The following RUNX1T1 variants were observed in gnomAD, a reference collection of about 807,000 sequenced individuals.
The protein encoded by RUNX1T1 is protein CBFA2T1.
In RUNX1T1, 4 loss-of-function variants were observed where a neutral mutation model predicts 62.8. That is an observed-to-expected ratio of 0.06 (90% CI 0.03 to 0.15). The LOEUF (loss-of-function observed/expected upper bound fraction) is 0.15, where lower values mean the gene tolerates loss of function less well. Among genes scored for constraint, RUNX1T1 ranks in the 10% least tolerant of loss-of-function variants. The pLI is 1.00. For missense variants in RUNX1T1, 508 were observed against 754.3 expected (o/e 0.67, Z 3.82); for synonymous variants, 291 against 286.0 (o/e 1.02, Z -0.18).
intron 1 of RUNX1T1, among the ~76,000 whole-genome samples, chr8:92,040,546 A>T (rs1434058394): frequency 1.3e-5 from 2 of 152,212 alleles, no homozygotes; most frequent in African/African-American, 4.8e-5. Flanking sequence ...AAGTTTTAAA[A>T]AAACAAAAAA....
At chr8:92,064,426 C>T (rs547944752), upstream of RUNX1T1, among the ~76,000 whole-genome samples, 2 of 152,242 alleles carry the variant, frequency 1.3e-5, no homozygotes, top group East Asian at 3.9e-4. Context: ...ATGAGGTTCT[C>T]TGTAATGGAT....
intron 10 of RUNX1T1, among the ~76,000 whole-genome samples, chr8:91,961,175 CAGTT>C (rs1426041197): frequency 5.3e-5 from 8 of 152,182 alleles, no homozygotes; most frequent in African/African-American, 1.7e-4. Context: ...ACAGGATCCT[CAGTT>C]TGTTTTTTCT....
In RUNX1T1 at chr8:91,960,430, CT is replaced by C; in HGVS notation, c.1545del (p.Asp516ThrfsTer57). 1 of 1,614,198 alleles carries C rather than the reference CT, an allele frequency of 6.2e-7. No homozygotes were observed. Among genetic ancestry groups the C allele is most frequent in the East Asian group, 2.2e-5 (1 of 44,860 alleles). On this transcript the variant is annotated frameshift_variant, in exon 11 of 11. Coordinates refer to ENST00000396218, the Ensembl canonical transcript of RUNX1T1. LOFTEE classifies it high-confidence loss of function. The stretch of plus-strand genomic sequence containing the variant: ...CAGATGTGATGGTGCTTCTCCCAGT[CT>C]TTGTGCTGGCAAAATGAGCCACAGT...
exon 5 of RUNX1T1, chr8:92,005,170 G>C (rs773007003): frequency 6.2e-7 from 1 of 1,613,904 alleles, no homozygotes; most frequent in Non-Finnish European, 8.5e-7. Context: ...CAGCTCTGAG[G>C]AGTCAACAGG....
At chr8:91,955,937 G>A (rs1283117250), downstream of RUNX1T1, 2 of 229,660 alleles carry the variant, frequency 8.7e-6, 1 homozygote, top group South Asian at 3.6e-4. Context: ...GTTGGAGATA[G>A]CCACAGTGGA....
At chr8:91,996,855 C>T (rs1818794036) in intron 5 of RUNX1T1, among the ~76,000 whole-genome samples, 1 of 151,726 alleles carries the variant, frequency 6.6e-6, no homozygotes, top group South Asian at 2.1e-4. Flanking sequence ...GACGCAGTGG[C>T]TCATGCCTGT....
chr8:92,097,032 G>T (rs1458108105), intron 1 of RUNX1T1, among the ~76,000 whole-genome samples: 3 of 151,926 alleles, frequency 2.0e-5, no homozygotes, highest in Non-Finnish European at 4.4e-5. Flanking sequence ...AGAATTAAAA[G>T]AAATTTGATA....
intron 8 of RUNX1T1, among the ~76,000 whole-genome samples, chr8:91,977,676 A>C (rs750787606): frequency 6.6e-6 from 1 of 152,278 alleles, no homozygotes; most frequent in Non-Finnish European, 1.5e-5. Flanking sequence ...ATTGGATAAG[A>C]ATAAGAACAG....
intron 1 of RUNX1T1, among the ~76,000 whole-genome samples, chr8:92,094,652 C>T (rs1438857719): frequency 2.0e-5 from 3 of 152,150 alleles, no homozygotes; most frequent in Admixed American, 2.0e-4. Flanking sequence ...ATGATCAATC[C>T]CAAAGCCTTT....
intron 10 of RUNX1T1, among the ~76,000 whole-genome samples, chr8:91,967,951 G>A (rs941204139): frequency 2.4e-4 from 36 of 152,106 alleles, no homozygotes; most frequent in African/African-American, 8.4e-4. Flanking sequence ...TGGGAAATAT[G>A]AGCAGATAAT....
intron 5 of RUNX1T1, among the ~76,000 whole-genome samples, chr8:92,003,839 A>G (rs866048506): frequency 2.0e-5 from 3 of 152,230 alleles, no homozygotes; most frequent in Non-Finnish European, 1.5e-5. Flanking sequence ...ACAAAATATG[A>G]TTTGCAAGAA....
At chr8:92,072,187 C>T (rs1209414023) in intron 2 of RUNX1T1, among the ~76,000 whole-genome samples, 2 of 152,038 alleles carry the variant, frequency 1.3e-5, no homozygotes, top group Admixed American at 6.6e-5. Flanking sequence ...TCAAAGAAGG[C>T]TCACCAAGAA....
At chr8:91,988,133 TC>T (rs1816939541) in intron 6 of RUNX1T1, among the ~76,000 whole-genome samples, 2 of 152,120 alleles carry the variant, frequency 1.3e-5, no homozygotes, top group African/African-American at 2.4e-5. Context: ...TGGTTATAAA[TC>T]CCTTTTTTTA....
chr8:92,095,627 A>G, intron 1 of RUNX1T1: 6 of 1,347,798 alleles, frequency 4.5e-6, no homozygotes, highest in Non-Finnish European at 5.8e-6. Context: ...AGAGAGAGAG[A>G]GAAGACAGAA....
At chr8:92,013,102 C>T (rs549038655) in intron 3 of RUNX1T1, among the ~76,000 whole-genome samples, 38 of 152,106 alleles carry the variant, frequency 2.5e-4, no homozygotes, top group African/African-American at 8.9e-4. Context: ...AACACATTCA[C>T]CATTTACTTG....
At chr8:92,033,909 C>T (rs903635748) in intron 1 of RUNX1T1, among the ~76,000 whole-genome samples, 1 of 151,716 alleles carries the variant, frequency 6.6e-6, no homozygotes, top group East Asian at 1.9e-4. Flanking sequence ...GTGGAGGTTG[C>T]AGTGAGCTGA....
chr8:92,079,847 T>C (rs918663827), intron 1 of RUNX1T1, among the ~76,000 whole-genome samples: 1 of 152,104 alleles, frequency 6.6e-6, no homozygotes, highest in African/African-American at 2.4e-5. Flanking sequence ...GTGGCTTCGT[T>C]CACTGACTTC....
intron 1 of RUNX1T1, among the ~76,000 whole-genome samples, chr8:92,056,760 A>C (rs569795784): frequency 6.6e-6 from 1 of 152,210 alleles, no homozygotes; most frequent in Admixed American, 6.5e-5. Flanking sequence ...CCACCAAAAA[A>C]CGTGCTTTTT....
intron 8 of RUNX1T1, among the ~76,000 whole-genome samples, chr8:91,983,056 T>C (rs999149630): frequency 1.3e-5 from 2 of 149,928 alleles, no homozygotes; most frequent in African/African-American, 4.9e-5. Flanking sequence ...GCCTCCCGAG[T>C]AGCTGGGATT....
Sources: gnomAD v4.1 joint callset for allele counts (sites outside exome capture counted in the v4.1 genomes callset) on GRCh38, gnomAD v4.1.1 for gene constraint, MANE v1.5 for transcripts, NCBI Gene and HGNC (gene_info 2026-07-23, HGNC 2026-07-21) for gene names.